RGS7BP: variants seen among roughly 807,000 people sequenced by gnomAD.
RGS7BP encodes the protein regulator of G protein signaling 7 binding protein.
In RGS7BP, 9 loss-of-function variants were observed where a neutral mutation model predicts 31.3. The observed-to-expected ratio is 0.29, with a 90% confidence interval of 0.17 to 0.50. The LOEUF (loss-of-function observed/expected upper bound fraction) is 0.50. Among genes scored for constraint, RGS7BP ranks in the 20% least tolerant of loss-of-function variants. The pLI, the probability that RGS7BP is intolerant of heterozygous loss-of-function variation, is 0.98. For synonymous variants in RGS7BP, 115 were observed against 120.1 expected, an observed-to-expected ratio of 0.96 and a Z score of 0.28; for missense variants, 274 against 322.0, an observed-to-expected ratio of 0.85 and a Z score of 1.14.
intron 2 of RGS7BP, among the ~76,000 whole-genome samples, chr5:64,545,416 T>TAA (rs61554558): frequency 1.4e-5 from 2 of 144,048 alleles, no homozygotes; most frequent in African/African-American, 5.1e-5. Flanking sequence ...GTGTAATAAT[T>TAA]AAAAAAAAAA....
chr5:64,607,519 G>A (rs2111986968), intron 5 of RGS7BP, among the ~76,000 whole-genome samples: 1 of 152,176 alleles, frequency 6.6e-6, no homozygotes, highest in South Asian at 2.1e-4. Flanking sequence ...TTTCTGATTG[G>A]CAGTTGCTTG....
At chr5:64,511,144 C>G (rs1334819147) in intron 2 of RGS7BP, among the ~76,000 whole-genome samples, 1 of 152,224 alleles carries the variant, frequency 6.6e-6, no homozygotes, top group Non-Finnish European at 1.5e-5. Flanking sequence ...CCCTGACCAA[C>G]TGAAACCCTC....
At chr5:64,534,453 G>A (rs1025557414) in intron 2 of RGS7BP, among the ~76,000 whole-genome samples, 3 of 152,192 alleles carry the variant, frequency 2.0e-5, no homozygotes, top group Admixed American at 2.0e-4. Context: ...CGTCCCTTGG[G>A]TAATAGTTGC....
At chr5:64,577,165 A>G (rs12659475) in intron 3 of RGS7BP, among the ~76,000 whole-genome samples, 127,416 of 152,214 alleles carry the variant, frequency 0.84, 53,644 homozygotes, top group African/African-American at 0.89. Flanking sequence ...TTGGCCAGGC[A>G]CGGTGGCTCA....
intron 5 of RGS7BP, among the ~76,000 whole-genome samples, chr5:64,599,641 G>A (rs564855656): frequency 5.1e-4 from 77 of 152,344 alleles, no homozygotes; most frequent in Non-Finnish European, 5.9e-4. Flanking sequence ...AGCCACAGGC[G>A]TAGTGTTTTG....
chr5:64,532,527 TG>T (rs1749397667), intron 2 of RGS7BP, among the ~76,000 whole-genome samples: 2 of 152,224 alleles, frequency 1.3e-5, no homozygotes, highest in African/African-American at 4.8e-5. Flanking sequence ...GGAGCACCTA[TG>T]TTTGCTTTTT....
rs1194838960 is a variant in RGS7BP at position 64,576,001 on chromosome 5, A to G, written c.463+97A>G. 7 of 1,035,666 alleles carry G rather than the reference A, an allele frequency of 6.8e-6. No homozygotes were observed. The African/African-American group carries it at 9.8e-5, about 14-fold the overall frequency. The allele number at this position is 1,035,666 out of a possible 1,614,324, so 64.2% of individuals were successfully genotyped here. On this transcript the variant is annotated intron_variant, in intron 3 of 5. Transcript: ENST00000334025. Reference sequence around the variant, plus strand: ...TATATACCATATCATATGCCTATCTATATGCAATTACGATGAATTTAAATG... The same window carrying G: ...TATATACCATATCATATGCCTATCTGTATGCAATTACGATGAATTTAAATG...
At chr5:64,534,519 G>T (rs543595907) in intron 2 of RGS7BP, among the ~76,000 whole-genome samples, 1 of 152,248 alleles carries the variant, frequency 6.6e-6, no homozygotes, top group African/African-American at 2.4e-5. Context: ...TTGCAGAAGG[G>T]TTGCAGCTTG....
intron 2 of RGS7BP, among the ~76,000 whole-genome samples, chr5:64,554,090 T>C (rs1741863319): frequency 6.6e-6 from 1 of 152,144 alleles, no homozygotes; most frequent in African/African-American, 2.4e-5. Context: ...CTCCACCCTA[T>C]ATCATCCCAC....
intron 5 of RGS7BP, among the ~76,000 whole-genome samples, chr5:64,602,874 T>C (rs1384665013): frequency 1.3e-5 from 2 of 152,230 alleles, no homozygotes; most frequent in East Asian, 1.9e-4. Flanking sequence ...TTTTAGAAAG[T>C]ATCTGTGCTG....
intron 2 of RGS7BP, among the ~76,000 whole-genome samples, chr5:64,561,092 C>T (rs1300938921): frequency 6.6e-6 from 1 of 152,098 alleles, no homozygotes; most frequent in Non-Finnish European, 1.5e-5. Context: ...TGCAGTTTTC[C>T]CCATACCCCC....
At chr5:64,553,818 CA>C (rs1741854944) in intron 2 of RGS7BP, among the ~76,000 whole-genome samples, 2 of 152,072 alleles carry the variant, frequency 1.3e-5, no homozygotes, top group Non-Finnish European at 2.9e-5. Flanking sequence ...ACAATGTATA[CA>C]AACACCCTCT....
intron 3 of RGS7BP, among the ~76,000 whole-genome samples, chr5:64,585,520 G>T (rs1246399983): frequency 6.6e-6 from 1 of 151,868 alleles, no homozygotes; most frequent in Non-Finnish European, 1.5e-5. Context: ...AAGGAAAGGG[G>T]TCTCTAGAGT....
chr5:64,567,053 T>C (rs1455508600), intron 2 of RGS7BP, among the ~76,000 whole-genome samples: 1 of 151,988 alleles, frequency 6.6e-6, no homozygotes, highest in East Asian at 2.0e-4. Flanking sequence ...CTCATTTTCA[T>C]AGTAAAAATA....
intron 2 of RGS7BP, among the ~76,000 whole-genome samples, chr5:64,528,044 A>G (rs561493512): frequency 6.6e-4 from 101 of 152,368 alleles, no homozygotes; most frequent in African/African-American, 2.3e-3. Context: ...TTTTATATTT[A>G]TTACGAAGAT....
chr5:64,529,644 A>T (rs1749322394), intron 2 of RGS7BP, among the ~76,000 whole-genome samples: 2 of 152,172 alleles, frequency 1.3e-5, no homozygotes, highest in Non-Finnish European at 2.9e-5. Flanking sequence ...CAGAATTTTT[A>T]AAATACCTCC....
chr5:64,575,682 A>T lies in RGS7BP; in HGVS notation c.333-92A>T, dbSNP rs1277013794. ...AGGATCAAGGCTTTAAGGAATCTTT[A>T]TTGAGCATTTTTCCCTCTCGGAGCT... On this transcript the variant is annotated intron_variant, in intron 2 of 5. Transcript: ENST00000334025. 5 of 1,487,498 alleles carry T rather than the reference A, an allele frequency of 3.4e-6. No homozygotes were observed. In the East Asian group the frequency reaches 1.2e-4, roughly 36 times the overall value. 92.1% of individuals were successfully genotyped at this position (1,487,498 alleles called of 1,614,324 possible).
At chr5:64,595,328 T>C (rs184276849) in intron 4 of RGS7BP, among the ~76,000 whole-genome samples, 3 of 152,216 alleles carry the variant, frequency 2.0e-5, no homozygotes, top group Non-Finnish European at 2.9e-5. Flanking sequence ...TTAGCTGCCA[T>C]TTAGGGGCTG....
chr5:64,542,936 C>T (rs1332291583), intron 2 of RGS7BP, among the ~76,000 whole-genome samples: 1 of 152,210 alleles, frequency 6.6e-6, no homozygotes, highest in Non-Finnish European at 1.5e-5. Context: ...CCTTTACCCT[C>T]TTCCAGATAT....
Sources: allele counts gnomAD v4.1 joint callset (sites outside exome capture counted in the v4.1 genomes callset), GRCh38; gene constraint gnomAD v4.1.1; transcripts MANE v1.5; gene names NCBI Gene and HGNC (gene_info 2026-07-23, HGNC 2026-07-21).